CHRM3: variants seen among roughly 807,000 people sequenced by gnomAD.
CHRM3 encodes cholinergic receptor muscarinic 3.
In CHRM3, 11 loss-of-function variants were observed where a neutral mutation model predicts 41.8. That is an observed-to-expected ratio of 0.26 (90% confidence interval 0.17 to 0.44). The LOEUF (loss-of-function observed/expected upper bound fraction) is 0.44, where lower values mean the gene tolerates loss of function less well. Ranked by LOEUF, CHRM3 falls within the 20% of genes least tolerant of loss-of-function variation. CHRM3 has a pLI of 1.00. For missense variants in CHRM3, 571 were observed against 745.4 expected (o/e 0.77, Z 2.72); for synonymous variants, 297 against 301.4 (o/e 0.99, Z 0.15).
chr1:239,437,182 C>T (rs1029530912), intron 1 of CHRM3, among the ~76,000 whole-genome samples: 1 of 152,184 alleles, frequency 6.6e-6, no homozygotes, highest in Non-Finnish European at 1.5e-5. Context: ...AGGATGATCA[C>T]AGCTCACTGC....
intron 5 of CHRM3, among the ~76,000 whole-genome samples, chr1:239,820,700 G>C (rs1392924193): frequency 1.3e-5 from 2 of 151,930 alleles, no homozygotes; most frequent in Non-Finnish European, 2.9e-5. Flanking sequence ...ATGCCATGTT[G>C]GTCTTCAAGA....
intron 5 of CHRM3, among the ~76,000 whole-genome samples, chr1:239,798,443 C>G (rs1669966610): frequency 6.6e-6 from 1 of 152,106 alleles, no homozygotes; most frequent in Admixed American, 6.5e-5. Flanking sequence ...GATGGCAACC[C>G]CTTTTTTGTT....
intron 3 of CHRM3, among the ~76,000 whole-genome samples, chr1:239,559,720 C>A (rs1005637994): frequency 2.0e-5 from 3 of 152,128 alleles, no homozygotes; most frequent in African/African-American, 7.2e-5. Context: ...TGACAACCTA[C>A]AACTTGTTAA....
At chr1:239,672,364 G>T (rs186167130) in intron 4 of CHRM3, among the ~76,000 whole-genome samples, 1 of 152,240 alleles carries the variant, frequency 6.6e-6, no homozygotes, top group East Asian at 1.9e-4. Context: ...CTCCTTGTCA[G>T]CAGGAGACAA....
chr1:239,612,574 C>T (rs1331437777), intron 3 of CHRM3, among the ~76,000 whole-genome samples: 1 of 152,180 alleles, frequency 6.6e-6, no homozygotes, highest in African/African-American at 2.4e-5. Context: ...TCACTTTTCA[C>T]AAAGCACTGA....
chr1:239,562,673 A>G (rs940259504), intron 3 of CHRM3, among the ~76,000 whole-genome samples: 15 of 152,050 alleles, frequency 9.9e-5, no homozygotes, highest in African/African-American at 2.4e-5. Context: ...GTAGATCATG[A>G]GGTCAGGAGT....
At chr1:239,681,023 G>C (rs1658511313) in intron 5 of CHRM3, among the ~76,000 whole-genome samples, 3 of 152,090 alleles carry the variant, frequency 2.0e-5, no homozygotes. Context: ...AGAGAAAAAT[G>C]AGGAGGAAGC....
intron 2 of CHRM3, among the ~76,000 whole-genome samples, chr1:239,510,663 A>G (rs148214187): frequency 0.013 from 1,949 of 151,790 alleles, 33 homozygotes; most frequent in South Asian, 0.038. Context: ...CAGCCTCCCA[A>G]CTAACTGGGA....
At chr1:239,403,764 C>T (rs184529121) in intron 1 of CHRM3, among the ~76,000 whole-genome samples, 8 of 151,838 alleles carry the variant, frequency 5.3e-5, no homozygotes, top group South Asian at 2.1e-4. Flanking sequence ...GGCCCAGGAT[C>T]GTATACATCA....
At chr1:239,673,215 G>A (rs562605568) in intron 4 of CHRM3, among the ~76,000 whole-genome samples, 8 of 152,252 alleles carry the variant, frequency 5.3e-5, no homozygotes, top group South Asian at 4.1e-4. Flanking sequence ...CTTTAGCTCC[G>A]TCCTTGTCCA....
rs189339495 is a variant in CHRM3 at position 239,704,828 on chromosome 1, G to A, written c.-147+26540G>A. 3 of 152,314 alleles carry A rather than the reference G, an allele frequency of 2.0e-5. No homozygotes were observed. The East Asian group carries it at 5.8e-4, about 29-fold the overall frequency. The allele number at this position is 152,314 out of a possible 1,614,324, so 9.4% of individuals were successfully genotyped here. ...CAACAAGGGTTACGGCAGAATTTAT[G>A]CGAAAGTCTTCTTTGGGCTAAATGA... On this transcript the variant is annotated intron_variant, in intron 5 of 6. Transcript: ENST00000676153.
chr1:239,544,224 C>T (rs1004107130), intron 2 of CHRM3, among the ~76,000 whole-genome samples: 3 of 152,112 alleles, frequency 2.0e-5, no homozygotes. Context: ...CTTTTCCTAG[C>T]TCCTAGTAAT....
intron 5 of CHRM3, among the ~76,000 whole-genome samples, chr1:239,759,178 T>G (rs1458586671): frequency 1.0e-4 from 15 of 144,906 alleles, no homozygotes; most frequent in Non-Finnish European, 1.5e-4. Context: ...TGTTTTTTTT[T>G]TTTGTTTTTT....
intron 1 of CHRM3, among the ~76,000 whole-genome samples, chr1:239,467,091 G>A (rs1192661581): frequency 6.6e-6 from 1 of 151,844 alleles, no homozygotes; most frequent in Non-Finnish European, 1.5e-5. Context: ...TTTTTCTCTG[G>A]TTATTTTGTA....
intron 2 of CHRM3, among the ~76,000 whole-genome samples, chr1:239,502,010 T>G (rs1390418854): frequency 6.6e-6 from 1 of 152,106 alleles, no homozygotes; most frequent in East Asian, 1.9e-4. Context: ...AGGACACATC[T>G]CAGGTAACTA....
At chr1:239,663,282 G>A (rs1673446918) in intron 4 of CHRM3, among the ~76,000 whole-genome samples, 1 of 152,052 alleles carries the variant, frequency 6.6e-6, no homozygotes, top group Non-Finnish European at 1.5e-5. Flanking sequence ...TAACTTAAGA[G>A]CTTTTGTCTT....
chr1:239,854,353 T>C (rs977108394), intron 6 of CHRM3, among the ~76,000 whole-genome samples: 5 of 152,022 alleles, frequency 3.3e-5, no homozygotes, highest in Admixed American at 6.6e-5. Context: ...CAGAGACTAT[T>C]CTGTCCACTG....
At chr1:239,699,822 A>C (rs1230903221) in intron 5 of CHRM3, among the ~76,000 whole-genome samples, 1 of 152,220 alleles carries the variant, frequency 6.6e-6, no homozygotes, top group Non-Finnish European at 1.5e-5. Context: ...AGGAAAACAT[A>C]TCTCTGAAAC....
chr1:239,416,526 A>G (rs1234472851), intron 1 of CHRM3, among the ~76,000 whole-genome samples: 1 of 152,214 alleles, frequency 6.6e-6, no homozygotes, highest in Non-Finnish European at 1.5e-5. Context: ...GATTAATGAC[A>G]GGTATCAGTA....
Sources: allele counts gnomAD v4.1 joint callset (sites outside exome capture counted in the v4.1 genomes callset), GRCh38; gene constraint gnomAD v4.1.1; transcripts MANE v1.5; gene names NCBI Gene and HGNC (gene_info 2026-07-23, HGNC 2026-07-21).